CAMTA1: variants seen among roughly 807,000 people sequenced by gnomAD.
The protein encoded by CAMTA1 is calmodulin binding transcription activator 1.
CAMTA1 carries 27 observed loss-of-function variants against 170.9 expected under a neutral mutation model. That is an observed-to-expected ratio of 0.16 (90% CI 0.12 to 0.22). The LOEUF (loss-of-function observed/expected upper bound fraction) is 0.22, where lower values mean the gene tolerates loss of function less well. Among genes scored for constraint, CAMTA1 ranks in the 10% least tolerant of loss-of-function variants. The probability of loss-of-function intolerance (pLI) is 1.00; values close to 1 mark genes in which losing one functional copy is unlikely to be tolerated. For missense variants in CAMTA1, 1,619 were observed against 2,217.2 expected (o/e 0.73, Z 5.42); for synonymous variants, 833 against 891.5 (o/e 0.93, Z 1.17).
At chr1:7,523,007 C>T (rs2094386128) in intron 6 of CAMTA1, among the ~76,000 whole-genome samples, 1 of 152,230 alleles carries the variant, frequency 6.6e-6, no homozygotes, top group African/African-American at 2.4e-5. Flanking sequence ...GCTAGAATTA[C>T]AAGCATGCGC....
chr1:7,348,550 CG>C (rs57535634), intron 5 of CAMTA1, among the ~76,000 whole-genome samples: 7,236 of 152,274 alleles, frequency 0.048, 439 homozygotes, highest in African/African-American at 0.14. Context: ...GGTAAAGGTT[CG>C]GCCGCCTACA....
At chr1:7,026,198 C>T (rs1196006150) in intron 3 of CAMTA1, among the ~76,000 whole-genome samples, 1 of 151,962 alleles carries the variant, frequency 6.6e-6, no homozygotes, top group Admixed American at 6.6e-5. Flanking sequence ...AGATGTTTAT[C>T]CCAGCAAGGG....
chr1:7,448,674 C>T (rs77356667), intron 5 of CAMTA1, among the ~76,000 whole-genome samples: 1,544 of 152,288 alleles, frequency 0.01, 15 homozygotes, highest in African/African-American at 0.035. Context: ...GTTCATAGAC[C>T]GTGCCTTCTT....
chr1:6,861,439 A>G (rs1664655171), intron 3 of CAMTA1, among the ~76,000 whole-genome samples: 1 of 152,178 alleles, frequency 6.6e-6, no homozygotes, highest in Non-Finnish European at 1.5e-5. Context: ...TTCAGCCATG[A>G]CTTCTCACAT....
intron 5 of CAMTA1, among the ~76,000 whole-genome samples, chr1:7,301,711 G>A (rs762798190): frequency 2.6e-5 from 4 of 152,202 alleles, no homozygotes; most frequent in Non-Finnish European, 5.9e-5. Flanking sequence ...TGCTGGGGGC[G>A]CCCAGGTCCG....
chr1:7,332,773 G>A (rs1339896308), intron 5 of CAMTA1, among the ~76,000 whole-genome samples: 3 of 152,184 alleles, frequency 2.0e-5, no homozygotes, highest in Non-Finnish European at 4.4e-5. Context: ...AAAGCAGGCA[G>A]TAAAAATAAA....
intron 4 of CAMTA1, among the ~76,000 whole-genome samples, chr1:7,136,896 C>T (rs770358812): frequency 3.9e-5 from 6 of 152,306 alleles, no homozygotes; most frequent in Middle Eastern, 3.4e-3. Context: ...GTTTCTCTAC[C>T]CAAATGCTCC....
At chr1:6,850,082 C>G (rs961392396) in intron 3 of CAMTA1, among the ~76,000 whole-genome samples, 2 of 150,882 alleles carry the variant, frequency 1.3e-5, no homozygotes, top group East Asian at 3.9e-4. Context: ...CACCTCATGC[C>G]TTATACCAAA....
chr1:7,533,536 C>G (rs1215374653), intron 6 of CAMTA1, among the ~76,000 whole-genome samples: 1 of 152,198 alleles, frequency 6.6e-6, no homozygotes, highest in Non-Finnish European at 1.5e-5. Context: ...GTCACATCCT[C>G]TCCCTACTGA....
rs2096741232 is a variant in CAMTA1, at chr1:7,732,488, G to A, written c.2955G>A (p.Gln985=). 1 of 1,613,960 alleles carries A rather than the reference G, an allele frequency of 6.2e-7. No homozygotes were observed. Among genetic ancestry groups the A allele is most frequent in the South Asian group, 1.1e-5 (1 of 91,066 alleles). Residue 985 remains glutamine (Q), a synonymous_variant, in exon 12 of 23, where the codon CAG becomes CAA. Coordinates refer to ENST00000303635, the MANE Select transcript of CAMTA1 (RefSeq NM_015215.4). This position sits in a 1 kb window ranked among gnomAD's most constrained non-coding sequence, Gnocchi z 4.1. The part of the protein sequence containing the change: ...FRMSILERLE[Q]MERRMAEMTG... ...TGTCCATCCTGGAACGACTGGAGCA[G>A]ATGGAGAGGAGGATGGCCGAGATGA... is the stretch of plus-strand genomic sequence containing the variant.
Position 7,529,297 on chromosome 1 carries a change from T to G in CAMTA1, c.510+61396T>G, listed in dbSNP as rs138654878. ...CCTTGGACATTCCTCCACCTGCTTCTCTGCATGGCATGGGCTGGGTCTGCA... is the reference window on the plus strand; with the variant it reads ...CCTTGGACATTCCTCCACCTGCTTCGCTGCATGGCATGGGCTGGGTCTGCA... On this transcript the variant is annotated intron_variant, in intron 6 of 22. Coordinates refer to ENST00000303635, the MANE Select transcript of CAMTA1 (RefSeq NM_015215.4). Among the ~76,000 whole-genome samples the G allele has an allele frequency of 2.5e-3, 381 of 152,108 alleles. 1 individual carries two copies. The highest frequency in any genetic ancestry group is 8.0e-3 in the African/African-American group (331 of 41,526).
intron 4 of CAMTA1, among the ~76,000 whole-genome samples, chr1:7,221,710 G>T (rs1190238169): frequency 6.6e-6 from 1 of 152,108 alleles, no homozygotes; most frequent in African/African-American, 2.4e-5. Flanking sequence ...CTGGCTGTGG[G>T]GCTGGGGCCA....
chr1:6,981,605 A>C (rs1694451031), intron 3 of CAMTA1, among the ~76,000 whole-genome samples: 1 of 151,522 alleles, frequency 6.6e-6, no homozygotes, highest in South Asian at 2.1e-4. Context: ...GCTAATTTTT[A>C]ATTTTTTTGT....
intron 3 of CAMTA1, among the ~76,000 whole-genome samples, chr1:7,090,768 G>T (rs1458495575): frequency 2.6e-5 from 4 of 152,264 alleles, no homozygotes; most frequent in African/African-American, 9.6e-5. Context: ...AGTGGGAAAG[G>T]TTAACTTATT....
At chr1:7,301,285 G>A (rs926328733) in intron 5 of CAMTA1, among the ~76,000 whole-genome samples, 1 of 152,228 alleles carries the variant, frequency 6.6e-6, no homozygotes, top group Non-Finnish European at 1.5e-5. Context: ...TGCGAGAGGT[G>A]TAGATTTTAA....
rs1384424314 is a variant in CAMTA1 at position 7,293,124 on chromosome 1, C to G, written c.438+43498C>G. The stretch of plus-strand genomic sequence containing the variant: ...TTGCTTTTCTGCTGTATTCCTGCCC[C>G]CTTTCTACTGCTTTCCAGTGGACAG... On this transcript the variant is annotated intron_variant, in intron 5 of 22. Transcript: ENST00000303635. This position sits in a 1 kb window ranked among gnomAD's most constrained non-coding sequence, Gnocchi z 4.1. Among the ~76,000 whole-genome samples the G allele has an allele frequency of 6.6e-6, 1 of 152,192 alleles. No homozygotes were observed.
Position 7,093,426 on chromosome 1 carries a change from C to T in CAMTA1, c.302+2055C>T, listed in dbSNP as rs190249215. 6.0e-3 allele frequency among the ~76,000 whole-genome samples: 912 copies of T among 152,226 alleles called. 1 individual carries two copies. The highest frequency in any genetic ancestry group is 0.01 in the Middle Eastern group (3 of 294). The stretch of plus-strand genomic sequence containing the variant: ...TATCTCAAGCAGCCGCCAGCCTCTC[C>T]TTGCGCCCTTCACTCTCCGCTGAAA... On this transcript the variant is annotated intron_variant, in intron 4 of 22. Coordinates refer to ENST00000303635, the MANE Select transcript of CAMTA1 (RefSeq NM_015215.4). This position sits in a 1 kb window ranked among gnomAD's most constrained non-coding sequence, Gnocchi z 4.6.
chr1:7,498,970 T>A (rs2093903979), intron 6 of CAMTA1, among the ~76,000 whole-genome samples: 2 of 133,862 alleles, frequency 1.5e-5, no homozygotes, highest in South Asian at 5.1e-4. Flanking sequence ...GAGGATTGTG[T>A]GAGTCTGGTG....
At chr1:7,623,086 C>T (rs180850636) in intron 6 of CAMTA1, among the ~76,000 whole-genome samples, 1 of 152,352 alleles carries the variant, frequency 6.6e-6, no homozygotes, top group Admixed American at 6.5e-5. Flanking sequence ...AAATTCTCCA[C>T]CCACCCCCAT....
Sources: gnomAD v4.1 joint callset for allele counts (sites outside exome capture counted in the v4.1 genomes callset) on GRCh38, gnomAD v4.1.1 for gene constraint, Gnocchi (gnomAD v3.1) non-coding constraint, MANE v1.5 for transcripts, NCBI Gene and HGNC (gene_info 2026-07-23, HGNC 2026-07-21) for gene names.